Variants in P4HA1 observed in about 807,000 individuals in gnomAD.
P4HA1 encodes the protein prolyl 4-hydroxylase subunit alpha-1.
In P4HA1, 24 loss-of-function variants were observed where a neutral mutation model predicts 72.8. The ratio of observed to expected loss-of-function variants is 0.33; its 90% CI spans 0.24 to 0.46. P4HA1 has a LOEUF of 0.46. P4HA1 is among the 20% of genes least tolerant of loss of function. The pLI, the probability that P4HA1 is intolerant of heterozygous loss-of-function variation, is 1.00. For missense variants in P4HA1, 446 were observed against 640.6 expected, an observed-to-expected ratio of 0.70 and a Z score of 3.28; for synonymous variants, 201 against 218.8, an observed-to-expected ratio of 0.92 and a Z score of 0.72.
intron 9 of P4HA1, among the ~76,000 whole-genome samples, chr10:73,036,938 G>A (rs1343179191): frequency 2.6e-5 from 4 of 151,976 alleles, no homozygotes; most frequent in African/African-American, 9.7e-5. Flanking sequence ...TCCTGTGTTA[G>A]ATTAAATCAT....
chr10:73,059,423 TTAAAAAAAAAAAAAAAAAAAAAAAA>T (rs1841250434), intron 5 of P4HA1, among the ~76,000 whole-genome samples: 1 of 47,580 alleles, frequency 2.1e-5, no homozygotes, highest in African/African-American at 9.0e-5. Flanking sequence ...GACAATATAT[TTAAAAAAAAAAAAAAAAAAAAAAAA>T]AAAAAAAAAA....
chr10:73,053,294 A>G, intron 6 of P4HA1, 57 bp downstream of exon 6: 9 of 1,505,070 alleles, frequency 6.0e-6, no homozygotes, highest in South Asian at 4.9e-5. Context: ...ACAGAAAAAT[A>G]GAGAATATAT....
chr10:73,063,274 G>C (rs1841350915), intron 5 of P4HA1, among the ~76,000 whole-genome samples: 1 of 152,192 alleles, frequency 6.6e-6, no homozygotes, highest in Non-Finnish European at 1.5e-5. Context: ...TTCCAAGATG[G>C]CACCTTGTTG....
chr10:73,080,372 A>G (rs1291545427), intron 1 of P4HA1, among the ~76,000 whole-genome samples: 1 of 152,258 alleles, frequency 6.6e-6, no homozygotes, highest in Non-Finnish European at 1.5e-5. Context: ...ACAAGTTTCC[A>G]GGCAATGCTG....
chr10:73,030,123 T>C, intron 10 of P4HA1, 148 bp downstream of exon 10: 1 of 411,226 alleles, frequency 2.4e-6, no homozygotes, highest in Non-Finnish European at 4.4e-6. Flanking sequence ...ATTATTAAAA[T>C]CACTTTGCAT....
At chr10:73,076,441 G>A (rs2133141312) in intron 1 of P4HA1, among the ~76,000 whole-genome samples, 2 of 150,988 alleles carry the variant, frequency 1.3e-5, no homozygotes, top group East Asian at 1.9e-4. Context: ...TTCTCTCAAA[G>A]GACCCAGACT....
intron 12 of P4HA1, among the ~76,000 whole-genome samples, chr10:73,013,821 A>G (rs550044872): frequency 2.5e-3 from 377 of 152,284 alleles, no homozygotes; most frequent in African/African-American, 8.6e-3. Context: ...AAGTTATAAT[A>G]CTTAATTTGC....
chr10:73,054,462 C>G (rs1159031143), intron 5 of P4HA1, among the ~76,000 whole-genome samples: 1 of 152,208 alleles, frequency 6.6e-6, no homozygotes, highest in African/African-American at 2.4e-5. Flanking sequence ...TTAACAGTCA[C>G]TACCCATTAA....
At chr10:73,047,897 A>T (rs1008345378) in intron 7 of P4HA1, among the ~76,000 whole-genome samples, 79 of 152,202 alleles carry the variant, frequency 5.2e-4, no homozygotes, top group African/African-American at 1.8e-3. Flanking sequence ...CAAAAAATTT[A>T]AAAAATTAGC....
intron 5 of P4HA1, among the ~76,000 whole-genome samples, chr10:73,054,897 T>C (rs1160628675): frequency 1.3e-5 from 2 of 152,178 alleles, no homozygotes; most frequent in Non-Finnish European, 2.9e-5. Context: ...GTATCTTCTT[T>C]GGAAAAAATA....
rs1564625008 is a variant in P4HA1, at chr10:73,037,564, TA to T, written c.1149-7195del. ...ATATATATATATATATATATATATA[TA>T]TATATATTTTTTTTTTTTTTTTTTT... On this transcript the variant is annotated intron_variant, in intron 9 of 14. Transcript: ENST00000394890. Among the ~76,000 whole-genome samples, 84 of 32,346 alleles carry T rather than the reference TA, an allele frequency of 2.6e-3. 2 individuals carry two copies. The highest frequency in any genetic ancestry group is 3.5e-3 in the East Asian group (2 of 570). The allele number at this position is 32,346 out of a possible 152,430, so 21.2% of individuals were successfully genotyped here. A position where few individuals can be genotyped will look rare whatever the true frequency, so the allele number is the denominator to read the frequency against.
At chr10:73,016,948 A>C in intron 10 of P4HA1, 49 bp from the exon 11 acceptor site, 1 of 1,464,810 alleles carries the variant, frequency 6.8e-7, no homozygotes, top group Non-Finnish European at 9.4e-7. Context: ...AAAGATTACT[A>C]TTCAAAAAAA....
intron 12 of P4HA1, among the ~76,000 whole-genome samples, chr10:73,013,354 T>C (rs1365542986): frequency 6.6e-6 from 1 of 152,144 alleles, no homozygotes; most frequent in African/African-American, 2.4e-5. Flanking sequence ...GCATTGTTCT[T>C]TTGGGATGCT....
At chr10:73,052,673 C>G (rs1841047443) in intron 6 of P4HA1, among the ~76,000 whole-genome samples, 1 of 152,176 alleles carries the variant, frequency 6.6e-6, no homozygotes, top group South Asian at 2.1e-4. Flanking sequence ...CTGTTTGATT[C>G]TAACATGCAC....
chr10:73,023,808 G>GAAAAAA (rs1229563598), intron 10 of P4HA1, among the ~76,000 whole-genome samples: 1 of 85,194 alleles, frequency 1.2e-5, no homozygotes, highest in East Asian at 3.1e-4. Flanking sequence ...CAAATGGAAA[G>GAAAAAA]AAAAAAAAAA....
intron 12 of P4HA1, among the ~76,000 whole-genome samples, chr10:73,013,262 C>G (rs1839946618): frequency 6.6e-6 from 1 of 152,158 alleles, no homozygotes; most frequent in Admixed American, 6.5e-5. Flanking sequence ...CTGGGCAGAC[C>G]TTTGTAATTG....
In P4HA1 at chr10:73,030,258, T is replaced by C; in HGVS notation, c.1248+13A>G. The C allele has an allele frequency of 1.5e-6, 2 of 1,366,906 alleles. No homozygotes were observed. The highest frequency in any genetic ancestry group is 1.0e-6 in the Non-Finnish European group (1 of 982,400). The allele number at this position is 1,366,906 out of a possible 1,614,324, so 84.7% of individuals were successfully genotyped here. On this transcript the variant is annotated intron_variant, in intron 10 of 14. Transcript: ENST00000394890. ...AAGTGTAAAAATGACTTAAGGATAATGTGATTACCTACCTGTAATTCCTCT... is the reference window on the plus strand; with the variant it reads ...AAGTGTAAAAATGACTTAAGGATAACGTGATTACCTACCTGTAATTCCTCT...
chr10:73,058,572 T>A (rs1215351186), intron 5 of P4HA1, among the ~76,000 whole-genome samples: 1 of 152,156 alleles, frequency 6.6e-6, no homozygotes, highest in South Asian at 2.1e-4. Context: ...GTCTTGCTAC[T>A]GCCCAAGACC....
At chr10:73,009,966 T>C in intron 13 of P4HA1, 63 bp from the exon 14 acceptor site, 3 of 906,248 alleles carry the variant, frequency 3.3e-6, no homozygotes, top group South Asian at 2.9e-5. Context: ...TTTCGGTAGT[T>C]ATTACTTTTT....
Sources: gnomAD v4.1 joint callset for allele counts (sites outside exome capture counted in the v4.1 genomes callset) on GRCh38, gnomAD v4.1.1 for gene constraint, MANE v1.5 for transcripts, NCBI Gene and HGNC (gene_info 2026-07-23, HGNC 2026-07-21) for gene names.